GRIK1: variants seen among roughly 807,000 people sequenced by gnomAD.
The protein encoded by GRIK1 is glutamate ionotropic receptor kainate type subunit 1.
In GRIK1, 69 loss-of-function variants were observed where a neutral mutation model predicts 105.7. The observed-to-expected ratio is 0.65, with a 90% CI of 0.54 to 0.80. The LOEUF is 0.80. Among genes scored for constraint, GRIK1 ranks in the 30% least tolerant of loss-of-function variants. The pLI, the probability that GRIK1 is intolerant of heterozygous loss-of-function variation, is 0.00. For missense variants in GRIK1, 1,109 were observed against 1,167.3 expected (o/e 0.95, Z 0.73); for synonymous variants, 438 against 431.3 (o/e 1.02, Z -0.19).
chr21:29,654,136 G>A (rs1959247920), intron 5 of GRIK1, among the ~76,000 whole-genome samples: 1 of 152,202 alleles, frequency 6.6e-6, no homozygotes, highest in African/African-American at 2.4e-5. Flanking sequence ...GTGTGAGTGT[G>A]TAGGTGGGGA....
At chr21:29,844,314 G>GCTAACACCTAGCAGCA (rs2068058789) in intron 1 of GRIK1, among the ~76,000 whole-genome samples, 1 of 152,150 alleles carries the variant, frequency 6.6e-6, no homozygotes, top group Non-Finnish European at 1.5e-5. Flanking sequence ...TCTGACGTCA[G>GCTAACACCTAGCAGCA]CTAACACCTA....
chr21:29,773,754 G>A lies in GRIK1; in HGVS notation c.119-79691C>T, dbSNP rs2300321. 1.2e-4 allele frequency among the ~76,000 whole-genome samples: 19 copies of A among 152,270 alleles called. No individual in the cohort carries two copies. The East Asian group carries it at 2.1e-3, about 17-fold the overall frequency. On this transcript the variant is annotated intron_variant, in intron 1 of 17. Coordinates refer to ENST00000327783, the MANE Select transcript of GRIK1 (RefSeq NM_001330994.2). Reference sequence around the variant, plus strand: ...TGATAAAAATGTGTACAGGGCAAAGGGATGAGGGGGTTGACATCAACATCT... The same window carrying A: ...TGATAAAAATGTGTACAGGGCAAAGAGATGAGGGGGTTGACATCAACATCT...
intron 1 of GRIK1, among the ~76,000 whole-genome samples, chr21:29,740,443 C>T (rs1471914743): frequency 2.0e-5 from 3 of 152,136 alleles, no homozygotes; most frequent in Admixed American, 6.5e-5. Flanking sequence ...GTCTCAATCT[C>T]CTGACCTCAT....
At chr21:29,638,438 G>A (rs2062442736) in intron 7 of GRIK1, among the ~76,000 whole-genome samples, 1 of 152,104 alleles carries the variant, frequency 6.6e-6, no homozygotes, top group African/African-American at 2.4e-5. Flanking sequence ...CACTCCACAC[G>A]TGAGGATATG....
intron 1 of GRIK1, among the ~76,000 whole-genome samples, chr21:29,879,722 CG>C (rs2069329568): frequency 6.6e-6 from 1 of 152,006 alleles, no homozygotes; most frequent in Non-Finnish European, 1.5e-5. Context: ...TTAGGAAAAA[CG>C]GTAGCTCTTT....
intron 4 of GRIK1, among the ~76,000 whole-genome samples, chr21:29,663,939 G>T (rs1202900384): frequency 6.6e-6 from 1 of 152,180 alleles, no homozygotes; most frequent in Admixed American, 6.5e-5. Context: ...GAAGGAAGAT[G>T]ATGAGAGATA....
At chr21:29,646,466 C>T (rs1237926229) in intron 6 of GRIK1, among the ~76,000 whole-genome samples, 1 of 151,482 alleles carries the variant, frequency 6.6e-6, no homozygotes, top group African/African-American at 2.4e-5. Context: ...ATAAATCTGT[C>T]ATTGTGAGTA....
chr21:29,889,990 G>A (rs993060689), intron 1 of GRIK1, among the ~76,000 whole-genome samples: 2 of 152,082 alleles, frequency 1.3e-5, no homozygotes, highest in African/African-American at 4.8e-5. Flanking sequence ...CTGTGAAAAT[G>A]TCTAGATCTC....
intron 1 of GRIK1, among the ~76,000 whole-genome samples, chr21:29,771,293 A>G (rs560214453): frequency 5.1e-4 from 77 of 152,354 alleles, no homozygotes; most frequent in Non-Finnish European, 9.7e-4. Flanking sequence ...AGAACTTTAT[A>G]CATATATTTG....
At chr21:29,619,310 A>G (rs1239169879) in intron 7 of GRIK1, among the ~76,000 whole-genome samples, 1 of 138,068 alleles carries the variant, frequency 7.2e-6, no homozygotes, top group South Asian at 2.4e-4. Context: ...GGCAGCGTGC[A>G]CCTGTAGGCC....
intron 5 of GRIK1, among the ~76,000 whole-genome samples, chr21:29,652,853 T>C (rs891348026): frequency 6.6e-5 from 10 of 152,364 alleles, no homozygotes; most frequent in African/African-American, 2.4e-4. Context: ...TCAGAAACAC[T>C]TCGCAATTTG....
intron 7 of GRIK1, among the ~76,000 whole-genome samples, chr21:29,620,770 C>CATATATATATATATATATATATAT (rs200139967): frequency 5.1e-5 from 6 of 117,444 alleles, no homozygotes; most frequent in African/African-American, 2.4e-4. Flanking sequence ...GTATGAAAGT[C>CATATATATATATATATATATATAT]ATATATATAT....
chr21:29,830,529 G>A (rs1013944878), intron 1 of GRIK1, among the ~76,000 whole-genome samples: 4 of 152,122 alleles, frequency 2.6e-5, no homozygotes, highest in African/African-American at 9.7e-5. Flanking sequence ...TAGATTGTGA[G>A]GTACTGGAAG....
At chr21:29,649,489 T>A (rs922151506) in intron 6 of GRIK1, among the ~76,000 whole-genome samples, 5 of 152,136 alleles carry the variant, frequency 3.3e-5, no homozygotes, top group Non-Finnish European at 1.5e-5. Flanking sequence ...ACCTCTTCCA[T>A]CCACTGGGAC....
intron 1 of GRIK1, among the ~76,000 whole-genome samples, chr21:29,823,553 T>C (rs960977795): frequency 3.2e-4 from 49 of 151,752 alleles, no homozygotes; most frequent in African/African-American, 1.2e-3. Context: ...ATAAGAACCA[T>C]CAGTTTTGGA....
At chr21:29,820,317 T>C (rs1028360426) in intron 1 of GRIK1, among the ~76,000 whole-genome samples, 2 of 152,122 alleles carry the variant, frequency 1.3e-5, no homozygotes, top group South Asian at 4.1e-4. Flanking sequence ...TGGGCACCTG[T>C]GGTAGTAAAT....
intron 7 of GRIK1, chr21:29,630,463 G>C: frequency 2.1e-6 from 1 of 470,302 alleles, no homozygotes; most frequent in South Asian, 1.6e-5. Flanking sequence ...CTGCAGGGGA[G>C]GGCTGACCTA....
At chr21:29,858,951 T>C (rs1436642792) in intron 1 of GRIK1, among the ~76,000 whole-genome samples, 1 of 132,456 alleles carries the variant, frequency 7.5e-6, no homozygotes, top group Non-Finnish European at 1.5e-5. Context: ...AAATTCTACA[T>C]TTTTTTTGTA....
intron 3 of GRIK1, among the ~76,000 whole-genome samples, chr21:29,681,755 A>C (rs1404246641): frequency 4.6e-5 from 7 of 151,076 alleles, no homozygotes; most frequent in Non-Finnish European, 7.4e-5. Context: ...AGTGGGTTCT[A>C]TCTGTTTTAT....
Sources: allele counts gnomAD v4.1 joint callset (sites outside exome capture counted in the v4.1 genomes callset), GRCh38; gene constraint gnomAD v4.1.1; transcripts MANE v1.5; gene names NCBI Gene and HGNC (gene_info 2026-07-23, HGNC 2026-07-21).